KAZN: variants seen among roughly 807,000 people sequenced by gnomAD.
KAZN encodes the protein kazrin.
In KAZN, 40 loss-of-function variants were observed where a neutral mutation model predicts 87.4. The observed-to-expected ratio is 0.46, with a 90% CI of 0.36 to 0.60. The LOEUF is 0.60. Ranked by LOEUF, KAZN falls within the 20% of genes least tolerant of loss-of-function variation. KAZN has a pLI of 0.00. For synonymous variants in KAZN, 466 were observed against 458.3 expected (o/e 1.02, Z -0.22); for missense variants, 898 against 1,073.9 (o/e 0.84, Z 2.29).
intron 2 of KAZN, among the ~76,000 whole-genome samples, chr1:14,376,145 T>G (rs544329428): frequency 5.9e-5 from 9 of 152,208 alleles, no homozygotes; most frequent in Non-Finnish European, 1.2e-4. Flanking sequence ...TCCCATTTCC[T>G]GTGGGAATGT....
chr1:14,707,240 G>T (rs1238012881), intron 1 of KAZN, among the ~76,000 whole-genome samples: 1 of 152,210 alleles, frequency 6.6e-6, no homozygotes, highest in Non-Finnish European at 1.5e-5. Flanking sequence ...AAAGGTGGGA[G>T]GGGACATGCT....
intron 1 of KAZN, among the ~76,000 whole-genome samples, chr1:14,124,024 T>A (rs1018096217): frequency 6.6e-6 from 1 of 152,144 alleles, no homozygotes; most frequent in Non-Finnish European, 1.5e-5. Flanking sequence ...CAGGTAAGGG[T>A]CTACCTTTCT....
intron 2 of KAZN, among the ~76,000 whole-genome samples, chr1:14,270,687 T>C (rs1300768670): frequency 6.6e-6 from 1 of 152,182 alleles, no homozygotes; most frequent in Non-Finnish European, 1.5e-5. Flanking sequence ...AGTGATGAAA[T>C]TCATAATTCA....
At chr1:13,924,035 G>A (rs1360847789) in intron 1 of KAZN, among the ~76,000 whole-genome samples, 2 of 152,176 alleles carry the variant, frequency 1.3e-5, no homozygotes, top group African/African-American at 2.4e-5. Context: ...CAAATATGGG[G>A]TGGTGGGGAA....
At chr1:14,945,891 T>G (rs1160788468) in intron 1 of KAZN, 42 of 985,312 alleles carry the variant, frequency 4.3e-5, no homozygotes, top group Non-Finnish European at 4.9e-5. Flanking sequence ...TCCTGTCGCC[T>G]CCATGGAGTC....
chr1:14,360,638 T>C (rs1347264846), intron 2 of KAZN, among the ~76,000 whole-genome samples: 3 of 152,046 alleles, frequency 2.0e-5, no homozygotes, highest in Non-Finnish European at 4.4e-5. Context: ...GTGGATGTCC[T>C]TTTTCTTTGG....
chr1:14,126,690 G>A (rs2884840), intron 1 of KAZN, among the ~76,000 whole-genome samples: 61,210 of 151,816 alleles, frequency 0.4, 12,987 homozygotes, highest in East Asian at 0.68. Context: ...ATGTCACACA[G>A]CTTTGAAGGG....
chr1:14,243,396 G>A (rs1649159578), intron 2 of KAZN, among the ~76,000 whole-genome samples: 1 of 152,100 alleles, frequency 6.6e-6, no homozygotes, highest in Admixed American at 6.5e-5. Flanking sequence ...GGAGGAGGAG[G>A]GAAGAAGAGC....
chr1:14,619,670 A>G (rs1273414442), intron 1 of KAZN, among the ~76,000 whole-genome samples: 1 of 152,176 alleles, frequency 6.6e-6, no homozygotes, highest in East Asian at 1.9e-4. Context: ...GAAACCCTGT[A>G]CCCATTAAGC....
At chr1:14,547,048 C>G (rs1387789761) in intron 2 of KAZN, among the ~76,000 whole-genome samples, 1 of 152,160 alleles carries the variant, frequency 6.6e-6, no homozygotes, top group Non-Finnish European at 1.5e-5. Flanking sequence ...CTCTATGGCT[C>G]CCAGTCAGAG....
chr1:14,374,590 AG>A (rs1571435568), intron 2 of KAZN, among the ~76,000 whole-genome samples: 1 of 152,288 alleles, frequency 6.6e-6, no homozygotes, highest in East Asian at 1.9e-4. Context: ...TGAGCTAATT[AG>A]CAAAGTCTCT....
chr1:14,668,928 C>T (rs1410440574), intron 1 of KAZN, among the ~76,000 whole-genome samples: 2 of 152,216 alleles, frequency 1.3e-5, no homozygotes, highest in Admixed American at 6.5e-5. Flanking sequence ...TCTCCCAGAG[C>T]AGTACATAGA....
intron 2 of KAZN, among the ~76,000 whole-genome samples, chr1:14,197,691 C>A (rs1472141112): frequency 1.3e-5 from 2 of 152,008 alleles, no homozygotes; most frequent in Non-Finnish European, 2.9e-5. Context: ...CCATCTCAAA[C>A]AAAACAATAA....
chr1:14,161,421 A>G (rs952989035), intron 1 of KAZN, among the ~76,000 whole-genome samples: 3 of 152,226 alleles, frequency 2.0e-5, no homozygotes, highest in Non-Finnish European at 4.4e-5. Context: ...GTGCACCCAC[A>G]TGGCTGGTGA....
chr1:14,021,426 G>A (rs1640820214), intron 1 of KAZN, among the ~76,000 whole-genome samples: 1 of 152,184 alleles, frequency 6.6e-6, no homozygotes, highest in Admixed American at 6.5e-5. Flanking sequence ...TGATTTGTTT[G>A]CATGTGGAAG....
At chr1:14,684,236 G>C (rs530243166) in intron 1 of KAZN, among the ~76,000 whole-genome samples, 1 of 152,154 alleles carries the variant, frequency 6.6e-6, no homozygotes, top group Non-Finnish European at 1.5e-5. Flanking sequence ...TGGCTTTGCA[G>C]GTTTACCTCG....
intron 2 of KAZN, among the ~76,000 whole-genome samples, chr1:14,395,452 G>A (rs187612198): frequency 8.5e-5 from 13 of 152,226 alleles, no homozygotes; most frequent in Admixed American, 3.9e-4. Flanking sequence ...TCTTACCACC[G>A]CCAGGGCAGA....
At chr1:14,679,978 A>T (rs1387320557) in intron 1 of KAZN, among the ~76,000 whole-genome samples, 2 of 152,152 alleles carry the variant, frequency 1.3e-5, no homozygotes, top group Admixed American at 1.3e-4. Context: ...CAACAGGACA[A>T]GAGGGAGAAG....
intron 1 of KAZN, among the ~76,000 whole-genome samples, chr1:14,793,553 A>C (rs1645743862): frequency 6.6e-6 from 1 of 152,176 alleles, no homozygotes; most frequent in Non-Finnish European, 1.5e-5. Context: ...TGGGCATAAC[A>C]AGAGTACCTG....
Sources: gnomAD v4.1 joint callset for allele counts (sites outside exome capture counted in the v4.1 genomes callset) on GRCh38, gnomAD v4.1.1 for gene constraint, MANE v1.5 for transcripts, NCBI Gene and HGNC (gene_info 2026-07-23, HGNC 2026-07-21) for gene names.